The following NCOA2 variants were observed in gnomAD, a reference collection of about 807,000 sequenced individuals.
NCOA2 encodes the protein class E basic helix-loop-helix protein 75.
In NCOA2, 21 loss-of-function variants were observed where a neutral mutation model predicts 145.1. The ratio of observed to expected loss-of-function variants is 0.14; its 90% CI spans 0.10 to 0.21. The LOEUF (loss-of-function observed/expected upper bound fraction) is 0.21. Among genes scored for constraint, NCOA2 ranks in the 10% least tolerant of loss-of-function variants. The probability of loss-of-function intolerance (pLI) is 1.00; values close to 1 mark genes in which losing one functional copy is unlikely to be tolerated. For missense variants in NCOA2, 1,472 were observed against 1,837.6 expected, an observed-to-expected ratio of 0.80 and a Z score of 3.64; for synonymous variants, 619 against 637.5, an observed-to-expected ratio of 0.97 and a Z score of 0.44.
At chr8:70,203,867 C>T (rs1586082754) in intron 4 of NCOA2, among the ~76,000 whole-genome samples, 1 of 152,134 alleles carries the variant, frequency 6.6e-6, no homozygotes, top group Admixed American at 6.5e-5. Flanking sequence ...TATCTAATAT[C>T]TGCGCAGCAC....
At chr8:70,416,199 T>G in the NCOA2 span, among the ~76,000 whole-genome samples, 4 of 151,098 alleles carry the variant, frequency 2.6e-5, no homozygotes, top group Admixed American at 6.6e-5. Flanking sequence ...TTTTTTGTTT[T>G]TTTTTTTTTT....
chr8:70,277,083 C>T (rs1281504358), intron 2 of NCOA2, among the ~76,000 whole-genome samples: 1 of 152,206 alleles, frequency 6.6e-6, no homozygotes, highest in Admixed American at 6.5e-5. Context: ...ATTCCCCAGT[C>T]CCAACCATGG....
At chr8:70,171,826 A>G (rs1814291152) in intron 5 of NCOA2, among the ~76,000 whole-genome samples, 1 of 151,012 alleles carries the variant, frequency 6.6e-6, no homozygotes, top group African/African-American at 2.4e-5. Flanking sequence ...CCACACCCAG[A>G]TATTTTTTAT....
chr8:70,262,926 T>C (rs1477121144), intron 2 of NCOA2, among the ~76,000 whole-genome samples: 1 of 152,048 alleles, frequency 6.6e-6, no homozygotes, highest in Non-Finnish European at 1.5e-5. Context: ...ACAACAATAG[T>C]TAATAATAAA....
chr8:70,237,428 T>C (rs1174541730), intron 2 of NCOA2, among the ~76,000 whole-genome samples: 2 of 3,000 alleles, frequency 6.7e-4, no homozygotes, highest in Non-Finnish European at 2.2e-3. Context: ...GTATTTTCCT[T>C]TTTTTTTTTT....
At chr8:70,259,588 T>G (rs1295657721) in intron 2 of NCOA2, among the ~76,000 whole-genome samples, 1 of 152,248 alleles carries the variant, frequency 6.6e-6, no homozygotes, top group African/African-American at 2.4e-5. Flanking sequence ...GAGAAATTAC[T>G]ATTATTTGTA....
chr8:70,375,571 T>TA (rs1263239848), intron 1 of NCOA2, among the ~76,000 whole-genome samples: 1 of 152,182 alleles, frequency 6.6e-6, no homozygotes, highest in Non-Finnish European at 1.5e-5. Context: ...ACATTTGTAA[T>TA]AAAATTGTTA....
At chr8:70,393,290 G>A (rs1813363168) in intron 1 of NCOA2, among the ~76,000 whole-genome samples, 1 of 152,206 alleles carries the variant, frequency 6.6e-6, no homozygotes, top group African/African-American at 2.4e-5. Context: ...AGTGGTGCTT[G>A]AAGGGCACAG....
chr8:70,357,684 T>C (rs1044372776), intron 1 of NCOA2, among the ~76,000 whole-genome samples: 14 of 151,120 alleles, frequency 9.3e-5, no homozygotes, highest in Admixed American at 2.6e-4. Flanking sequence ...GAGCTTGCAG[T>C]GAACCTAGAT....
the NCOA2 span, among the ~76,000 whole-genome samples, chr8:70,448,284 A>C: frequency 1.9e-4 from 29 of 152,340 alleles, no homozygotes; most frequent in African/African-American, 7.0e-4. Flanking sequence ...TTCTGTGAGA[A>C]AGCAGGTAAT....
Position 70,156,967 on chromosome 8 carries a change from T to A in NCOA2, c.1398A>T (p.Lys466Asn). 1 of 1,614,004 alleles carries A rather than the reference T, an allele frequency of 6.2e-7. No homozygotes were observed. Among genetic ancestry groups the A allele is most frequent in the Non-Finnish European group, 8.5e-7 (1 of 1,179,890 alleles). The change falls in exon 11 of 23, where the codon AAA becomes AAT. Residue 466 changes from lysine to asparagine, a missense_variant. By Grantham distance (94) the Lys-to-Asn change is moderately conservative (BLOSUM62 0). This residue lies in a region of NCOA2 where 953 missense variants were observed against 1,062.1 expected (regional missense o/e 0.90). Transcript: ENST00000452400. ...GGCTGCTTTGTGAGGGGCTGTTCAT[T>A]TTGAGTGCATAGTTACTACCCTGAG... ...TTPQGSNYALKMNSPSQSSPG... is the reference protein window; with the variant it reads ...TTPQGSNYALNMNSPSQSSPG...
chr8:70,198,183 G>C (rs963463224), intron 4 of NCOA2, among the ~76,000 whole-genome samples: 1 of 152,136 alleles, frequency 6.6e-6, no homozygotes, highest in Non-Finnish European at 1.5e-5. Context: ...TTAAGATAAG[G>C]TTCCTCCACA....
intron 3 of NCOA2, among the ~76,000 whole-genome samples, chr8:70,215,176 A>G (rs1215749302): frequency 6.6e-6 from 1 of 152,112 alleles, no homozygotes; most frequent in Non-Finnish European, 1.5e-5. Context: ...AAAGGTAAAG[A>G]GTGGCTGGAA....
chr8:70,436,524 G>A, the NCOA2 span, among the ~76,000 whole-genome samples: 1 of 152,080 alleles, frequency 6.6e-6, no homozygotes, highest in Non-Finnish European at 1.5e-5. Context: ...CATGTACCCA[G>A]GTATGTCATA....
At chr8:70,426,792 G>C in the NCOA2 span, among the ~76,000 whole-genome samples, 2 of 152,170 alleles carry the variant, frequency 1.3e-5, no homozygotes, top group African/African-American at 4.8e-5. Context: ...ACAAAACTCT[G>C]AATTGGTTTT....
chr8:70,329,867 A>T (rs1806929426), intron 1 of NCOA2, among the ~76,000 whole-genome samples: 1 of 152,202 alleles, frequency 6.6e-6, no homozygotes, highest in South Asian at 2.1e-4. Context: ...AGAACAGGTA[A>T]AACTAATTAC....
intron 4 of NCOA2, among the ~76,000 whole-genome samples, chr8:70,186,064 C>A (rs1373042086): frequency 2.0e-5 from 3 of 151,916 alleles, no homozygotes; most frequent in Non-Finnish European, 4.4e-5. Flanking sequence ...AACCTAAATA[C>A]ATACACACTC....
intron 2 of NCOA2, among the ~76,000 whole-genome samples, chr8:70,291,093 C>A (rs1176713512): frequency 2.6e-5 from 4 of 152,146 alleles, no homozygotes; most frequent in African/African-American, 9.7e-5. Flanking sequence ...AACAACTGTA[C>A]CACCCAGACA....
At chr8:70,209,045 A>G (rs1818753222) in intron 4 of NCOA2, among the ~76,000 whole-genome samples, 1 of 152,238 alleles carries the variant, frequency 6.6e-6, no homozygotes, top group African/African-American at 2.4e-5. Flanking sequence ...TCACCATTCT[A>G]GATGCCATGA....
Sources: gnomAD v4.1 joint callset for allele counts (sites outside exome capture counted in the v4.1 genomes callset) on GRCh38, gnomAD v4.1.1 for gene constraint, gnomAD v4.1.1 regional missense constraint, MANE v1.5 for transcripts, NCBI Gene and HGNC (gene_info 2026-07-23, HGNC 2026-07-21) for gene names.